The following LGSN variants were observed in gnomAD, a reference collection of about 807,000 sequenced individuals.
LGSN encodes the protein lengsin, lens protein with glutamine synthetase domain, also known as lengsin.
A neutral mutation model predicts 19.5 loss-of-function variants in LGSN; 21 were observed. The ratio of observed to expected loss-of-function variants is 1.07; its 90% CI spans 0.76 to 1.55. LGSN has a LOEUF of 1.55. Ranked by LOEUF, LGSN falls within the 40% of genes most tolerant of loss-of-function variation. The probability of loss-of-function intolerance (pLI) is 0.00; values close to 1 mark genes in which losing one functional copy is unlikely to be tolerated. For missense variants in LGSN, 673 were observed against 608.5 expected (o/e 1.11, Z -1.12); for synonymous variants, 257 against 215.6 (o/e 1.19, Z -1.68).
At chr6:63,299,096 A>G (rs1768091605) in intron 1 of LGSN, among the ~76,000 whole-genome samples, 1 of 152,192 alleles carries the variant, frequency 6.6e-6, no homozygotes, top group Non-Finnish European at 1.5e-5. Flanking sequence ...TCCTCGCCTT[A>G]TTAATTAATG....
chr6:63,504,065 A>T, the LGSN span, among the ~76,000 whole-genome samples: 1 of 152,214 alleles, frequency 6.6e-6, no homozygotes, highest in Non-Finnish European at 1.5e-5. Flanking sequence ...CACACATTAA[A>T]GATGCTCAAT....
chr6:63,502,468 T>A, the LGSN span, among the ~76,000 whole-genome samples: 81,418 of 151,894 alleles, frequency 0.54, 23,635 homozygotes, highest in African/African-American at 0.77. Context: ...GAAAAAATGG[T>A]AGGGAAAAAA....
chr6:63,480,822 GAAAAAA>G, the LGSN span, among the ~76,000 whole-genome samples: 2 of 127,566 alleles, frequency 1.6e-5, no homozygotes, highest in African/African-American at 3.2e-5. Context: ...GTCATTATAT[GAAAAAA>G]AAAAAAAAAA....
chr6:63,540,960 G>A, the LGSN span, among the ~76,000 whole-genome samples: 5 of 150,380 alleles, frequency 3.3e-5, no homozygotes, highest in South Asian at 2.1e-4. Context: ...CCAAGATCAC[G>A]CCAGTGCACT....
At chr6:63,478,366 C>A in the LGSN span, among the ~76,000 whole-genome samples, 1 of 152,156 alleles carries the variant, frequency 6.6e-6, no homozygotes, top group South Asian at 2.1e-4. Flanking sequence ...AAGCACAGTG[C>A]GGAGTGACTG....
chr6:63,457,437 G>A, the LGSN span, among the ~76,000 whole-genome samples: 6 of 152,028 alleles, frequency 3.9e-5, no homozygotes, highest in South Asian at 8.3e-4. Context: ...CCCAGGAGGT[G>A]GAGGCTGCAG....
the LGSN span, chr6:63,550,183 T>A: frequency 1.3e-5 from 2 of 152,232 alleles, no homozygotes; most frequent in Middle Eastern, 3.2e-3. Context: ...TGATTGGTTT[T>A]TTAATCTACA....
At chr6:63,446,606 C>T in the LGSN span, among the ~76,000 whole-genome samples, 2 of 152,172 alleles carry the variant, frequency 1.3e-5, no homozygotes, top group African/African-American at 4.8e-5. Context: ...AATTTGCCAT[C>T]AATTATGTAA....
chr6:63,293,859 G>T, intron 2 of LGSN: 1 of 430,822 alleles, frequency 2.3e-6, no homozygotes, highest in South Asian at 1.7e-5. Flanking sequence ...GATCCTCTCT[G>T]TAGTAATAAG....
chr6:63,311,132 G>A (rs1385886495), intron 1 of LGSN, among the ~76,000 whole-genome samples: 2 of 152,106 alleles, frequency 1.3e-5, no homozygotes, highest in Non-Finnish European at 2.9e-5. Context: ...GATCATACTG[G>A]TAAAGCCATG....
chr6:63,406,079 G>A, the LGSN span, among the ~76,000 whole-genome samples: 4 of 152,098 alleles, frequency 2.6e-5, no homozygotes, highest in East Asian at 5.8e-4. Flanking sequence ...ATAATAATGG[G>A]AGACTTTAAC....
the LGSN span, among the ~76,000 whole-genome samples, chr6:63,461,665 T>C: frequency 6.6e-6 from 1 of 152,214 alleles, no homozygotes; most frequent in Non-Finnish European, 1.5e-5. Context: ...AGAAATTACA[T>C]TAACTACTCT....
At chr6:63,342,647 C>A in the LGSN span, among the ~76,000 whole-genome samples, 1 of 152,172 alleles carries the variant, frequency 6.6e-6, no homozygotes, top group Admixed American at 6.5e-5. Flanking sequence ...TAGTGTGATT[C>A]ATAAGATCTC....
chr6:63,432,093 GAAA>G, the LGSN span, among the ~76,000 whole-genome samples: 122 of 16,328 alleles, frequency 7.5e-3, 3 homozygotes, highest in Admixed American at 0.014. Flanking sequence ...AAGAAGGAAA[GAAA>G]GAAAGAAAGA....
chr6:63,361,004 C>T, the LGSN span, among the ~76,000 whole-genome samples: 5 of 152,358 alleles, frequency 3.3e-5, no homozygotes, highest in East Asian at 1.9e-4. Flanking sequence ...GCTGCCTGAT[C>T]GTTCCTCTGG....
At chr6:63,335,134 C>G in the LGSN span, among the ~76,000 whole-genome samples, 827 of 140,180 alleles carry the variant, frequency 5.9e-3, 11 homozygotes, top group African/African-American at 0.021. Context: ...CAGAATGAGA[C>G]TCCATCTCAA....
the LGSN span, among the ~76,000 whole-genome samples, chr6:63,508,981 G>A: frequency 6.6e-6 from 1 of 150,898 alleles, no homozygotes; most frequent in African/African-American, 2.4e-5. Context: ...GATAGTTACA[G>A]GTGTTCACCT....
the LGSN span, among the ~76,000 whole-genome samples, chr6:63,504,328 G>A: frequency 8.6e-5 from 13 of 151,354 alleles, no homozygotes; most frequent in African/African-American, 2.2e-4. Context: ...TGCAAGCTCC[G>A]CCTCCCACGT....
At chr6:63,470,849 G>T in the LGSN span, among the ~76,000 whole-genome samples, 1 of 150,584 alleles carries the variant, frequency 6.6e-6, no homozygotes, top group East Asian at 2.0e-4. Flanking sequence ...GTACAGTGAA[G>T]AGAAAATTCT....
Sources: gnomAD v4.1 joint callset for allele counts (sites outside exome capture counted in the v4.1 genomes callset) on GRCh38, gnomAD v4.1.1 for gene constraint, MANE v1.5 for transcripts, NCBI Gene and HGNC (gene_info 2026-07-23, HGNC 2026-07-21) for gene names.